Variants in COL9A1 observed in about 807,000 individuals in gnomAD.
COL9A1 encodes collagen alpha-1(IX) chain.
In COL9A1, 104 loss-of-function variants were observed where a neutral mutation model predicts 142.6. The observed-to-expected ratio is 0.73, with a 90% CI of 0.62 to 0.86. The LOEUF (loss-of-function observed/expected upper bound fraction) is 0.86, where lower values mean the gene tolerates loss of function less well. Ranked by LOEUF, COL9A1 falls within the 40% of genes least tolerant of loss-of-function variation. The pLI is 0.00. For synonymous variants in COL9A1, 466 were observed against 396.0 expected (o/e 1.18, Z -2.10); for missense variants, 1,210 against 1,176.6 (o/e 1.03, Z -0.42).
intron 17 of COL9A1, among the ~76,000 whole-genome samples, chr6:70,268,586 T>C (rs933276579): frequency 6.6e-6 from 1 of 152,214 alleles, no homozygotes; most frequent in East Asian, 1.9e-4. Flanking sequence ...TTGGTATTTC[T>C]TCCCTGAACT....
intron 33 of COL9A1, among the ~76,000 whole-genome samples, chr6:70,237,898 T>G (rs1770013933): frequency 6.6e-6 from 1 of 152,168 alleles, no homozygotes; most frequent in South Asian, 2.1e-4. Context: ...AAAGTGAAGC[T>G]GAGGATAGAT....
chr6:70,253,757 C>T (rs1047169192), intron 25 of COL9A1, among the ~76,000 whole-genome samples: 2 of 152,122 alleles, frequency 1.3e-5, no homozygotes, highest in African/African-American at 4.8e-5. Flanking sequence ...CTCTACTAGG[C>T]AGGACAGAGG....
At chr6:70,271,345 G>T (rs1177250290) in intron 14 of COL9A1, among the ~76,000 whole-genome samples, 1 of 152,062 alleles carries the variant, frequency 6.6e-6, no homozygotes, top group Non-Finnish European at 1.5e-5. Flanking sequence ...ATTTCATGCA[G>T]GGAGCCTAAT....
intron 28 of COL9A1, chr6:70,246,085 G>A (rs548337338): frequency 1.3e-5 from 2 of 152,392 alleles, no homozygotes; most frequent in South Asian, 4.1e-4. Flanking sequence ...AGCCATTCAG[G>A]GCTAGGCGCA....
chr6:70,255,150 C>G lies in COL9A1; in HGVS notation c.1611G>C (p.Thr537=). 1 of 1,614,192 alleles carries G rather than the reference C, an allele frequency of 6.2e-7. No individual in the cohort carries two copies. Residue 537 remains threonine (T), a splice_region_variant and synonymous_variant, in exon 23 of 38, where the codon ACG becomes ACC. Coordinates refer to ENST00000357250, the MANE Select transcript of COL9A1 (RefSeq NM_001851.6). ...TTGATGACTACAGCTCAGGACATAC[C>G]GTGTCTCCTTTGGGCCCAGGGAGAC... ...IPGLPGPKGD[T]GLPGVDGRDG...
At chr6:70,252,451 G>A (rs998120991) in intron 26 of COL9A1, 136 bp from the exon 27 acceptor site, 6 of 786,344 alleles carry the variant, frequency 7.6e-6, no homozygotes, top group African/African-American at 1.7e-5. Context: ...CTGGGAATGT[G>A]CAGAATCTCT....
intron 4 of COL9A1, among the ~76,000 whole-genome samples, chr6:70,295,208 A>G (rs1407410089): frequency 6.7e-6 from 1 of 150,098 alleles, no homozygotes; most frequent in Non-Finnish European, 1.5e-5. Context: ...TTAAAGTAGC[A>G]GTTTGACACT....
intron 28 of COL9A1, among the ~76,000 whole-genome samples, chr6:70,245,337 A>AT (rs1453400327): frequency 1.3e-5 from 2 of 152,220 alleles, no homozygotes; most frequent in Non-Finnish European, 2.9e-5. Flanking sequence ...TCAGGGAGTA[A>AT]TTAAGCATGT....
chr6:70,247,984 A>G (rs1233125472), intron 28 of COL9A1, among the ~76,000 whole-genome samples: 4 of 152,216 alleles, frequency 2.6e-5, no homozygotes, highest in African/African-American at 4.8e-5. Context: ...TACGAGAGAA[A>G]GTAGACAGGC....
At chr6:70,232,520 G>C in intron 36 of COL9A1, 63 bp downstream of exon 36, 1 of 1,544,568 alleles carries the variant, frequency 6.5e-7, no homozygotes, top group African/African-American at 1.4e-5. Context: ...CCTCGAGCTT[G>C]ATACAGATTA....
chr6:70,291,022 A>G (rs1773640089), intron 5 of COL9A1, among the ~76,000 whole-genome samples: 1 of 151,838 alleles, frequency 6.6e-6, no homozygotes, highest in African/African-American at 2.4e-5. Context: ...ACTACCCATC[A>G]CTCTCTAAGT....
chr6:70,256,908 C>A (rs1278928837), intron 20 of COL9A1, 87 bp from the exon 21 acceptor site: 29 of 1,297,836 alleles, frequency 2.2e-5, no homozygotes, highest in Non-Finnish European at 2.8e-5. Flanking sequence ...AATTTAATAG[C>A]CAGATGAAAA....
chr6:70,247,799 GAA>G (rs941382245), intron 28 of COL9A1, among the ~76,000 whole-genome samples: 1 of 149,836 alleles, frequency 6.7e-6, no homozygotes, highest in African/African-American at 2.4e-5. Flanking sequence ...TACAGAGGCA[GAA>G]AAAAAAAATC....
intron 20 of COL9A1, among the ~76,000 whole-genome samples, chr6:70,259,157 A>G (rs969740936): frequency 6.6e-6 from 1 of 152,228 alleles, no homozygotes; most frequent in Non-Finnish European, 1.5e-5. Flanking sequence ...AAATTGACAA[A>G]AAAATGATAA....
intron 19 of COL9A1, among the ~76,000 whole-genome samples, chr6:70,262,425 G>C (rs72924908): frequency 6.6e-6 from 1 of 151,998 alleles, no homozygotes; most frequent in South Asian, 2.1e-4. Flanking sequence ...TGCACAGCTC[G>C]CTGAACCCTT....
intron 37 of COL9A1, among the ~76,000 whole-genome samples, chr6:70,219,711 C>T (rs1322867447): frequency 1.3e-5 from 2 of 152,184 alleles, no homozygotes; most frequent in African/African-American, 2.4e-5. Flanking sequence ...CAGCTGTCAT[C>T]GGGGAATACA....
chr6:70,232,582 C>T lies in COL9A1; in HGVS notation c.2503+1G>A. 2 of 1,613,728 alleles carry T rather than the reference C, an allele frequency of 1.2e-6. No individual in the cohort carries two copies. Among genetic ancestry groups the T allele is most frequent in the Non-Finnish European group, 1.7e-6 (2 of 1,180,012 alleles). ...GGTTCCACATGGGCAAGATGACTTA[C>T]CTTTAGGTCCCCTCAAACCAAGAGC... is the stretch of plus-strand genomic sequence containing the variant. On this transcript the variant is annotated splice_donor_variant, in intron 36 of 37. Transcript: ENST00000357250. LOFTEE classifies it high-confidence loss of function.
chr6:70,272,071 T>G lies in COL9A1; in HGVS notation c.1083A>C (p.Gly361=), dbSNP rs1174463957. Residue 361 remains glycine, a synonymous_variant, in exon 13 of 38, where the codon GGA becomes GGC. Coordinates refer to ENST00000357250, the MANE Select transcript of COL9A1 (RefSeq NM_001851.6). The part of the protein sequence containing the change: ...SRGFPGRGIP[G]PPGPPGTAGL... Reference sequence around the variant, plus strand: ...ATGATGAAGTGATACTTACAGGGGGTCCAGGAATACCACGGCCCTAAAAGA... The same window carrying G: ...ATGATGAAGTGATACTTACAGGGGGGCCAGGAATACCACGGCCCTAAAAGA... 6.2e-7 allele frequency: 1 copy of G among 1,612,004 alleles called. No homozygotes were observed. The highest frequency in any genetic ancestry group is 8.5e-7 in the Non-Finnish European group (1 of 1,178,498).
chr6:70,226,029 T>C lies in COL9A1; in HGVS notation c.2504-20A>G. The C allele has an allele frequency of 6.3e-7, 1 of 1,597,986 alleles. No individual in the cohort carries two copies. Among genetic ancestry groups the C allele is most frequent in the Non-Finnish European group, 8.6e-7 (1 of 1,166,416 alleles). ...AGTCACCTGCATTACATTAAAGAAA[T>C]GTTATTTTTCTACATATCTATAAAA... is the stretch of plus-strand genomic sequence containing the variant. On this transcript the variant is annotated intron_variant, in intron 36 of 37. Transcript: ENST00000357250.
Sources: allele counts gnomAD v4.1 joint callset (sites outside exome capture counted in the v4.1 genomes callset), GRCh38; gene constraint gnomAD v4.1.1; transcripts MANE v1.5; gene names NCBI Gene and HGNC (gene_info 2026-07-23, HGNC 2026-07-21).